NRCAM: variants seen among roughly 807,000 people sequenced by gnomAD.
The protein encoded by NRCAM is neuronal cell adhesion molecule, also known as NgCAM-related cell adhesion molecule.
A neutral mutation model predicts 156.5 loss-of-function variants in NRCAM; 83 were observed. The ratio of observed to expected loss-of-function variants is 0.53; its 90% CI spans 0.44 to 0.64. The LOEUF (loss-of-function observed/expected upper bound fraction) is 0.64, where lower values mean the gene tolerates loss of function less well. NRCAM is among the 30% of genes least tolerant of loss of function. The pLI is 0.00. For synonymous variants in NRCAM, 538 were observed against 563.9 expected, an observed-to-expected ratio of 0.95 and a Z score of 0.65; for missense variants, 1,417 against 1,597.3, an observed-to-expected ratio of 0.89 and a Z score of 1.92.
intron 18 of NRCAM, 47 bp downstream of exon 18, chr7:108,191,682 A>T: frequency 1.3e-6 from 2 of 1,551,636 alleles, no homozygotes; most frequent in Non-Finnish European, 1.7e-6. Flanking sequence ...TTTCTTTTCA[A>T]CCAAATGCAG....
chr7:108,432,864 G>A (rs1447024908), intron 1 of NRCAM, among the ~76,000 whole-genome samples: 2 of 151,868 alleles, frequency 1.3e-5, no homozygotes, highest in Non-Finnish European at 2.9e-5. Flanking sequence ...CTGCACTCCA[G>A]CCTGGGTGAC....
intron 11 of NRCAM, among the ~76,000 whole-genome samples, chr7:108,217,512 C>A (rs550374636): frequency 6.6e-6 from 1 of 152,320 alleles, no homozygotes; most frequent in African/African-American, 2.4e-5. Flanking sequence ...GCTGAAGCTG[C>A]GCCCACAGCT....
chr7:108,399,933 G>A (rs1241340334), intron 1 of NRCAM, among the ~76,000 whole-genome samples: 6 of 152,208 alleles, frequency 3.9e-5, no homozygotes, highest in African/African-American at 1.4e-4. Flanking sequence ...CTACTCTGAT[G>A]CTTCATGGGA....
chr7:108,150,885 T>G, intron 32 of NRCAM: 1 of 383,382 alleles, frequency 2.6e-6, no homozygotes, highest in East Asian at 7.3e-5. Context: ...AGCTCTACAT[T>G]TGTACTATGA....
At position 108,148,496 on chromosome 7, in the gene NRCAM, T is replaced by A. The variant is rs552739705; in HGVS notation, c.*1414A>T. ...TTCAACCATAGGTTGTTATAGATTT[T>A]CATATTTGGAGGTAACCCATTTGAT... On this transcript the variant is annotated 3_prime_UTR_variant, in exon 33 of 33. Transcript: ENST00000379028. 1.3e-5 allele frequency: 2 copies of A among 152,792 alleles called. No individual in the cohort carries two copies. Among genetic ancestry groups the A allele is most frequent in the African/African-American group, 2.4e-5 (1 of 41,584 alleles). 9.5% of individuals were successfully genotyped at this position (152,792 alleles called of 1,614,324 possible).
At position 108,149,858 on chromosome 7, in the gene NRCAM, T is replaced by G. The variant is rs1353295996; in HGVS notation, c.*52A>C. 6.9e-7 allele frequency: 1 copy of G among 1,443,776 alleles called. No individual in the cohort carries two copies. The highest frequency in any genetic ancestry group is 9.5e-7 in the Non-Finnish European group (1 of 1,048,802). 89.4% of individuals were successfully genotyped at this position (1,443,776 alleles called of 1,614,324 possible). On this transcript the variant is annotated 3_prime_UTR_variant, in exon 33 of 33. Coordinates refer to ENST00000379028, the MANE Select transcript of NRCAM (RefSeq NM_001037132.4). ...TAGTATGAGAGGGCTGACAAACAAGTGCTTAGGATAAACATTCTAGAGAAA... is the reference window on the plus strand; with the variant it reads ...TAGTATGAGAGGGCTGACAAACAAGGGCTTAGGATAAACATTCTAGAGAAA...
chr7:108,406,205 T>C (rs141173530), intron 1 of NRCAM, among the ~76,000 whole-genome samples: 28 of 152,032 alleles, frequency 1.8e-4, no homozygotes, highest in African/African-American at 5.6e-4. Flanking sequence ...AATGACCTCA[T>C]TGAGACACTG....
At chr7:108,340,749 CT>C (rs1420670151) in intron 2 of NRCAM, among the ~76,000 whole-genome samples, 1 of 152,192 alleles carries the variant, frequency 6.6e-6, no homozygotes, top group Non-Finnish European at 1.5e-5. Context: ...ATCCTACCGC[CT>C]TTCTGGAGAG....
chr7:108,298,364 C>T (rs2098496772), intron 3 of NRCAM, among the ~76,000 whole-genome samples: 2 of 151,798 alleles, frequency 1.3e-5, no homozygotes, highest in South Asian at 4.2e-4. Flanking sequence ...CAAAAAAACC[C>T]GCAGGGCACG....
chr7:108,204,020 C>T (rs1402633030), intron 13 of NRCAM, among the ~76,000 whole-genome samples: 3 of 152,152 alleles, frequency 2.0e-5, no homozygotes, highest in South Asian at 4.1e-4. Flanking sequence ...TCATCCTTCC[C>T]CCGTCTCCCA....
At chr7:108,398,419 T>G (rs947901207) in intron 2 of NRCAM, among the ~76,000 whole-genome samples, 2 of 152,094 alleles carry the variant, frequency 1.3e-5, no homozygotes, top group African/African-American at 4.8e-5. Flanking sequence ...AAATGCATCT[T>G]TCCCTCCTTC....
intron 1 of NRCAM, among the ~76,000 whole-genome samples, chr7:108,451,162 T>G (rs140425131): frequency 0.018 from 2,631 of 149,296 alleles, 82 homozygotes; most frequent in African/African-American, 0.061. Flanking sequence ...GAGGTTGCAG[T>G]GAGCCGAGAC....
chr7:108,215,682 C>G (rs1485301448), intron 11 of NRCAM, among the ~76,000 whole-genome samples: 2 of 149,506 alleles, frequency 1.3e-5, no homozygotes, highest in African/African-American at 4.9e-5. Context: ...CTTTTTTGAT[C>G]TTTGCTGGTT....
chr7:108,398,214 A>G (rs2099782401), intron 2 of NRCAM, among the ~76,000 whole-genome samples: 1 of 152,058 alleles, frequency 6.6e-6, no homozygotes, highest in African/African-American at 2.4e-5. Flanking sequence ...CTTCTCTCCT[A>G]AATTCCCCTT....
At position 108,191,263 on chromosome 7, in the gene NRCAM, G is replaced by A; in HGVS notation, c.1924C>T (p.Pro642Ser). 6.2e-7 allele frequency: 1 copy of A among 1,606,096 alleles called. No homozygotes were observed. The change falls in exon 19 of 33, where the codon CCC (proline) becomes TCC (serine). Residue 642 changes from proline (P) to serine (S), a missense_variant. Pro to Ser is a moderately conservative substitution (Grantham distance 74). This residue lies in a region of NRCAM where 1,238 missense variants were observed against 1,336.4 expected (regional missense o/e 0.93). Transcript: ENST00000379028. ...ACTCATATTAGTTTACCGTAAACGG[G>A]AGCTGGAGTTGGAGTAGGAGCTAGA... ...SVVAPTPTPAPVYDVPNPPFD... is the reference protein window; with the variant it reads ...SVVAPTPTPASVYDVPNPPFD...
At chr7:108,161,337 A>C (rs939360406) in intron 30 of NRCAM, among the ~76,000 whole-genome samples, 2 of 152,214 alleles carry the variant, frequency 1.3e-5, no homozygotes, top group African/African-American at 4.8e-5. Flanking sequence ...TTATTCCATC[A>C]GTCATAATAT....
intron 2 of NRCAM, among the ~76,000 whole-genome samples, chr7:108,387,762 A>G (rs865843410): frequency 7.3e-6 from 1 of 137,862 alleles, no homozygotes; most frequent in Non-Finnish European, 1.5e-5. Flanking sequence ...CCTGTGTCCA[A>G]GTGTTCTCAT....
intron 32 of NRCAM, chr7:108,150,616 A>G: frequency 2.0e-6 from 1 of 491,780 alleles, no homozygotes. Flanking sequence ...TTTTTTTCTG[A>G]GCCAGAAGGA....
chr7:108,194,118 T>G lies in NRCAM; in HGVS notation c.1684A>C (p.Met562Leu). 1.2e-6 allele frequency: 2 copies of G among 1,614,162 alleles called. No homozygotes were observed. The highest frequency in any genetic ancestry group is 1.7e-6 in the Non-Finnish European group (2 of 1,179,956). ...TTCACTTTGCATTCAAAGGACACCATGCTCCCTCTTTGCACAACTGCATAT... is the reference window on the plus strand; with the variant it reads ...TTCACTTTGCATTCAAAGGACACCAGGCTCCCTCTTTGCACAACTGCATAT... ...PEYAVVQRGS[M>L]VSFECKVKHD... The change falls in exon 17 of 33, where the codon ATG becomes CTG. Residue 562 changes from methionine to leucine, a missense_variant. By Grantham distance (15) the Met-to-Leu change is conservative. Transcript: ENST00000379028.
Sources: gnomAD v4.1 joint callset for allele counts (sites outside exome capture counted in the v4.1 genomes callset) on GRCh38, gnomAD v4.1.1 for gene constraint, gnomAD v4.1.1 regional missense constraint, MANE v1.5 for transcripts, NCBI Gene and HGNC (gene_info 2026-07-23, HGNC 2026-07-21) for gene names.